PHF24: variants seen among roughly 807,000 people sequenced by gnomAD.
PHF24 encodes PHD finger protein 24, also known as Galpha inhibitory interacting protein.
Under a neutral mutation model 42.6 loss-of-function variants are expected in PHF24, and 25 were observed. The ratio of observed to expected loss-of-function variants is 0.59; its 90% CI spans 0.43 to 0.82. The LOEUF (loss-of-function observed/expected upper bound fraction) is 0.82, where lower values mean the gene tolerates loss of function less well. Among genes scored for constraint, PHF24 ranks in the 40% least tolerant of loss-of-function variants. The probability of loss-of-function intolerance (pLI) is 0.00; values close to 1 mark genes in which losing one functional copy is unlikely to be tolerated. For missense variants in PHF24, 470 were observed against 538.1 expected (o/e 0.87, Z 1.25); for synonymous variants, 185 against 204.8 (o/e 0.90, Z 0.83).
At chr9:34,775,320 G>A in the PHF24 span, among the ~76,000 whole-genome samples, 4 of 152,170 alleles carry the variant, frequency 2.6e-5, no homozygotes, top group African/African-American at 9.7e-5. Flanking sequence ...TTCCACTTAT[G>A]TAAGGTACCT....
the PHF24 span, among the ~76,000 whole-genome samples, chr9:34,736,947 A>C: frequency 1.3e-5 from 2 of 152,228 alleles, no homozygotes; most frequent in South Asian, 4.1e-4. Flanking sequence ...TTTTCAGGCC[A>C]CTAGGGTTTC....
At chr9:34,822,233 T>C in the PHF24 span, among the ~76,000 whole-genome samples, 1 of 152,210 alleles carries the variant, frequency 6.6e-6, no homozygotes. Context: ...ATTTCTGCTC[T>C]TCATTTCTTG....
At chr9:34,738,701 C>T in the PHF24 span, among the ~76,000 whole-genome samples, 29 of 152,226 alleles carry the variant, frequency 1.9e-4, no homozygotes, top group South Asian at 6.2e-4. Flanking sequence ...TAAGAACATA[C>T]GGGGAAATTT....
chr9:34,805,331 A>G, the PHF24 span, among the ~76,000 whole-genome samples: 3 of 152,202 alleles, frequency 2.0e-5, no homozygotes, highest in African/African-American at 7.2e-5. Context: ...TCAGCAATGT[A>G]TGAGGGTTCT....
chr9:34,899,604 GC>G, the PHF24 span, among the ~76,000 whole-genome samples: 1 of 152,190 alleles, frequency 6.6e-6, no homozygotes, highest in Non-Finnish European at 1.5e-5. Flanking sequence ...GTTCATTAAT[GC>G]CCAAGAGCTA....
the PHF24 span, among the ~76,000 whole-genome samples, chr9:34,792,214 A>G: frequency 5.9e-5 from 9 of 152,214 alleles, no homozygotes; most frequent in African/African-American, 1.9e-4. Context: ...AGTGGTCCTC[A>G]AAATAGAAAC....
the PHF24 span, among the ~76,000 whole-genome samples, chr9:34,788,245 G>A: frequency 6.6e-6 from 1 of 152,090 alleles, no homozygotes; most frequent in East Asian, 1.9e-4. Context: ...GTCTTGCTAT[G>A]TTGCCCAGTC....
At chr9:34,748,504 C>T in the PHF24 span, among the ~76,000 whole-genome samples, 1 of 152,144 alleles carries the variant, frequency 6.6e-6, no homozygotes, top group East Asian at 1.9e-4. Flanking sequence ...TTTCACCACA[C>T]CCCCAGCCTC....
chr9:34,744,552 TTG>T, the PHF24 span, among the ~76,000 whole-genome samples: 4 of 152,220 alleles, frequency 2.6e-5, no homozygotes, highest in African/African-American at 9.6e-5. Context: ...TCACTAAATA[TTG>T]TGCCAAAATA....
At chr9:34,796,514 C>G in the PHF24 span, among the ~76,000 whole-genome samples, 2 of 151,898 alleles carry the variant, frequency 1.3e-5, no homozygotes, top group Admixed American at 6.6e-5. Flanking sequence ...AAACTTGACA[C>G]GAAGAAAATA....
the PHF24 span, among the ~76,000 whole-genome samples, chr9:34,770,562 A>G: frequency 3.3e-5 from 5 of 152,200 alleles, no homozygotes; most frequent in African/African-American, 1.2e-4. Flanking sequence ...AGCTTTTCAG[A>G]GGACCCAAAT....
At chr9:34,814,130 A>G in the PHF24 span, among the ~76,000 whole-genome samples, 1 of 152,154 alleles carries the variant, frequency 6.6e-6, no homozygotes, top group African/African-American at 2.4e-5. Flanking sequence ...AATTCCACCT[A>G]CCAGCTAAAG....
At chr9:34,726,586 G>A in the PHF24 span, 3 of 1,551,946 alleles carry the variant, frequency 1.9e-6, no homozygotes, top group Non-Finnish European at 2.6e-6. Context: ...AAGCTATGGT[G>A]TTTGGGCCCC....
the PHF24 span, chr9:34,723,756 A>C: frequency 8.4e-6 from 13 of 1,551,708 alleles, no homozygotes; most frequent in Non-Finnish European, 1.1e-5. Flanking sequence ...GCCTGGGGCA[A>C]CACAGTCTGG....
At chr9:34,875,897 C>T in the PHF24 span, among the ~76,000 whole-genome samples, 1 of 150,092 alleles carries the variant, frequency 6.7e-6, no homozygotes, top group Non-Finnish European at 1.5e-5. Flanking sequence ...AAAAGCTCGT[C>T]TCTCTCTCTT....
At chr9:34,666,532 C>CCTCA in the PHF24 span, among the ~76,000 whole-genome samples, 1 of 149,044 alleles carries the variant, frequency 6.7e-6, no homozygotes, top group Admixed American at 6.7e-5. Context: ...CCTCTCTGGT[C>CCTCA]TGAGACCTAT....
the PHF24 span, among the ~76,000 whole-genome samples, chr9:34,858,362 G>A: frequency 6.6e-6 from 1 of 152,178 alleles, no homozygotes; most frequent in Non-Finnish European, 1.5e-5. Flanking sequence ...GGGCAGGCTG[G>A]CTTGGTGCCT....
the PHF24 span, among the ~76,000 whole-genome samples, chr9:34,719,921 T>C: frequency 6.6e-6 from 1 of 152,168 alleles, no homozygotes; most frequent in African/African-American, 2.4e-5. Context: ...CTGGGGACCA[T>C]GTATGGGCTG....
the PHF24 span, among the ~76,000 whole-genome samples, chr9:34,831,416 T>A: frequency 6.6e-6 from 1 of 152,096 alleles, no homozygotes; most frequent in East Asian, 1.9e-4. Flanking sequence ...TAGGCCTGGG[T>A]ACAAGCTGCT....
Sources: gnomAD v4.1 joint callset for allele counts (sites outside exome capture counted in the v4.1 genomes callset) on GRCh38, gnomAD v4.1.1 for gene constraint, MANE v1.5 for transcripts, NCBI Gene and HGNC (gene_info 2026-07-23, HGNC 2026-07-21) for gene names.